NECTIN3: variants seen among roughly 807,000 people sequenced by gnomAD.
The protein encoded by NECTIN3 is nectin cell adhesion molecule 3.
A neutral mutation model predicts 49.4 loss-of-function variants in NECTIN3; 8 were observed. That is an observed-to-expected ratio of 0.16 (90% confidence interval 0.10 to 0.29). NECTIN3 has a LOEUF of 0.29. Among genes scored for constraint, NECTIN3 ranks in the 10% least tolerant of loss-of-function variants. The pLI, the probability that NECTIN3 is intolerant of heterozygous loss-of-function variation, is 1.00. For synonymous variants in NECTIN3, 277 were observed against 241.1 expected (o/e 1.15, Z -1.38); for missense variants, 581 against 654.6 (o/e 0.89, Z 1.23).
At chr3:111,112,703 A>G (rs2033523820) in intron 2 of NECTIN3, among the ~76,000 whole-genome samples, 1 of 152,064 alleles carries the variant, frequency 6.6e-6, no homozygotes. Context: ...TCAGCCTTTA[A>G]TCAAATTACC....
intron 1 of NECTIN3, among the ~76,000 whole-genome samples, chr3:111,082,187 G>T (rs534737580): frequency 6.6e-6 from 1 of 152,118 alleles, no homozygotes; most frequent in Non-Finnish European, 1.5e-5. Context: ...ATGATGAGAG[G>T]ATTGATTAAT....
intron 1 of NECTIN3, 115 bp downstream of exon 1, chr3:111,072,292 C>T (rs929649931): frequency 1.4e-5 from 20 of 1,449,722 alleles, no homozygotes; most frequent in Middle Eastern, 2.3e-4. Context: ...GTTGTGCGAG[C>T]GAGTGCCGAG....
chr3:111,121,439 A>G (rs1259502546), intron 3 of NECTIN3, among the ~76,000 whole-genome samples: 3 of 152,200 alleles, frequency 2.0e-5, no homozygotes, highest in Non-Finnish European at 4.4e-5. Context: ...GCTGGTAGAT[A>G]TGGATAATTG....
chr3:111,178,853 T>A (rs150395043), intron 7 of NECTIN3, among the ~76,000 whole-genome samples: 35 of 152,358 alleles, frequency 2.3e-4, no homozygotes, highest in Non-Finnish European at 3.5e-4. Flanking sequence ...ATCTTAGCTC[T>A]ACATACTTGG....
intron 7 of NECTIN3, among the ~76,000 whole-genome samples, chr3:111,167,096 CTAAG>C: frequency 6.6e-6 from 1 of 152,098 alleles, no homozygotes; most frequent in East Asian, 1.9e-4. Flanking sequence ...CCCATTTGAG[CTAAG>C]TGACTTTTGC....
chr3:111,183,807 T>C (rs1415696773), intron 7 of NECTIN3, among the ~76,000 whole-genome samples: 3 of 152,164 alleles, frequency 2.0e-5, no homozygotes, highest in Non-Finnish European at 4.4e-5. Context: ...TATTGTTAGT[T>C]TTTAGCAATT....
At chr3:111,086,922 A>G (rs2031966734) in intron 1 of NECTIN3, among the ~76,000 whole-genome samples, 1 of 152,090 alleles carries the variant, frequency 6.6e-6, no homozygotes, top group Admixed American at 6.6e-5. Flanking sequence ...CTGTGTGTAG[A>G]CATCTTATAT....
At chr3:111,093,850 T>C (rs1467551372) in intron 1 of NECTIN3, among the ~76,000 whole-genome samples, 1 of 152,208 alleles carries the variant, frequency 6.6e-6, no homozygotes, top group African/African-American at 2.4e-5. Flanking sequence ...ATTTAGATAG[T>C]GGATGGAATG....
In NECTIN3 at chr3:111,134,117, A is replaced by G. The variant is rs1192956751; in HGVS notation, c.1552A>G (p.Met518Val). The G allele has an allele frequency of 6.2e-7, 1 of 1,613,564 alleles. No individual in the cohort carries two copies. Among genetic ancestry groups the G allele is most frequent in the South Asian group, 1.1e-5 (1 of 91,040 alleles). ...TTATTATGAAGATCTAAAAATGGGAATGAAGTTTGTCAGTGATGAACATTA... is the reference window on the plus strand; with the variant it reads ...TTATTATGAAGATCTAAAAATGGGAGTGAAGTTTGTCAGTGATGAACATTA... The part of the protein sequence containing the change: ...MDYYEDLKMG[M>V]KFVSDEHYDE... The change falls in exon 6 of 6, where the codon ATG (methionine) becomes GTG (valine). Residue 518 changes from methionine to valine, a missense_variant. Around this residue, in one of 3 missense-constraint regions of NECTIN3, gnomAD observed 238 missense variants for 244.9 expected, o/e 0.97. Coordinates refer to ENST00000485303, the MANE Select transcript of NECTIN3 (RefSeq NM_015480.3).
intron 2 of NECTIN3, among the ~76,000 whole-genome samples, chr3:111,118,450 G>GTATGAATT (rs1406753508): frequency 2.6e-5 from 4 of 151,260 alleles, no homozygotes; most frequent in Non-Finnish European, 4.4e-5. Context: ...TGTAGTGGTG[G>GTATGAATT]TATGAATTCC....
At chr3:111,166,489 C>G (rs1296869858) in intron 7 of NECTIN3, among the ~76,000 whole-genome samples, 4 of 152,176 alleles carry the variant, frequency 2.6e-5, no homozygotes, top group Non-Finnish European at 5.9e-5. Flanking sequence ...CTTTGTAGAA[C>G]CTGCAGAAGT....
At chr3:111,178,960 C>G (rs543843856) in intron 7 of NECTIN3, among the ~76,000 whole-genome samples, 16 of 152,286 alleles carry the variant, frequency 1.1e-4, no homozygotes, top group African/African-American at 3.6e-4. Context: ...ATGAGTATAA[C>G]CAAAGCATCT....
At chr3:111,116,530 A>G (rs2033695630) in intron 2 of NECTIN3, among the ~76,000 whole-genome samples, 1 of 152,120 alleles carries the variant, frequency 6.6e-6, no homozygotes, top group Non-Finnish European at 1.5e-5. Context: ...TGAGTTTTAG[A>G]TTAGGGGTCT....
chr3:111,170,879 T>C (rs1306844919), intron 7 of NECTIN3, among the ~76,000 whole-genome samples: 1 of 152,168 alleles, frequency 6.6e-6, no homozygotes, highest in Non-Finnish European at 1.5e-5. Context: ...TTCAGAAGAC[T>C]CAAGTTTGGC....
chr3:111,152,425 T>C (rs563393111), intron 7 of NECTIN3, among the ~76,000 whole-genome samples: 1 of 152,018 alleles, frequency 6.6e-6, no homozygotes, highest in South Asian at 2.1e-4. Context: ...TGATTATTGC[T>C]AATCTGATAG....
chr3:111,175,138 G>A (rs1056042775), intron 7 of NECTIN3, among the ~76,000 whole-genome samples: 2 of 151,816 alleles, frequency 1.3e-5, no homozygotes, highest in African/African-American at 4.8e-5. Flanking sequence ...GTGTTCAAAT[G>A]TTGCTCCTCT....
Position 111,134,494 on chromosome 3 carries a change from C to A in NECTIN3, c.*279C>A. On this transcript the variant is annotated 3_prime_UTR_variant, in exon 6 of 6. Transcript: ENST00000485303. ...GAGGCACACAGGTAAGAAGAAATGTCAACATTAAATGTATGACTTACTTGG... is the reference window on the plus strand; with the variant it reads ...GAGGCACACAGGTAAGAAGAAATGTAAACATTAAATGTATGACTTACTTGG... 2 of 1,053,764 alleles carry A rather than the reference C, an allele frequency of 1.9e-6. No individual in the cohort carries two copies. The highest frequency in any genetic ancestry group is 6.5e-5 in the East Asian group (1 of 15,488). The allele number at this position is 1,053,764 out of a possible 1,614,324, so 65.3% of individuals were successfully genotyped here.
intron 1 of NECTIN3, among the ~76,000 whole-genome samples, chr3:111,075,725 A>G (rs751894412): frequency 6.6e-6 from 1 of 152,144 alleles, no homozygotes; most frequent in African/African-American, 2.4e-5. Flanking sequence ...AAATATACAG[A>G]TGAGTATTCA....
At chr3:111,094,528 T>A (rs1415738691) in intron 1 of NECTIN3, among the ~76,000 whole-genome samples, 3 of 152,148 alleles carry the variant, frequency 2.0e-5, no homozygotes, top group Admixed American at 6.5e-5. Flanking sequence ...CTCTGGGGCC[T>A]TACAGGACTC....
Sources: gnomAD v4.1 joint callset for allele counts (sites outside exome capture counted in the v4.1 genomes callset) on GRCh38, gnomAD v4.1.1 for gene constraint, gnomAD v4.1.1 regional missense constraint, MANE v1.5 for transcripts, NCBI Gene and HGNC (gene_info 2026-07-23, HGNC 2026-07-21) for gene names.